Variants in SMIM41 observed in about 807,000 individuals in gnomAD.
SMIM41 encodes the protein small integral membrane protein 41.
Position 52,091,667 on chromosome 12 carries a change from C to T in SMIM41, c.*195+7699C>T, listed in dbSNP as rs552948976. The stretch of plus-strand genomic sequence containing the variant: ...GAACGTTATTGAACAAGTGGAACTG[C>T]CCCTTAAATTTTTCCTTTGATCATA... On this transcript the variant is annotated intron_variant, in intron 2 of 2. Transcript: ENST00000546390. Among the ~76,000 whole-genome samples the T allele has an allele frequency of 1.3e-4, 20 of 152,288 alleles. No homozygotes were observed. The South Asian group carries it at 3.7e-3, about 28-fold the overall frequency.
chr12:52,105,227 A>G (rs1017163177), intron 2 of SMIM41, among the ~76,000 whole-genome samples: 2 of 152,208 alleles, frequency 1.3e-5, no homozygotes, highest in African/African-American at 4.8e-5. Flanking sequence ...TCACTGTGTC[A>G]AGTATAGAAA....
At position 52,102,740 on chromosome 12, in the gene SMIM41, G is replaced by A. The variant is rs539462048; in HGVS notation, c.*196-4639G>A. Among the ~76,000 whole-genome samples, 3 of 152,308 alleles carry A rather than the reference G, an allele frequency of 2.0e-5. No individual in the cohort carries two copies. The South Asian group carries it at 6.2e-4, about 32-fold the overall frequency. Reference sequence around the variant, plus strand: ...GGTGAAACGAGAGGGAAGTAGGAATGCTCGAATATGATTGGAGGGAATGTA... The same window carrying A: ...GGTGAAACGAGAGGGAAGTAGGAATACTCGAATATGATTGGAGGGAATGTA... On this transcript the variant is annotated intron_variant, in intron 2 of 2. Transcript: ENST00000546390.
chr12:52,100,541 C>T (rs1370605132), intron 2 of SMIM41, among the ~76,000 whole-genome samples: 2 of 151,676 alleles, frequency 1.3e-5, no homozygotes. Context: ...ACTGCAACCT[C>T]TGCCTCCCGT....
intron 2 of SMIM41, 184 bp from the exon 3 acceptor site, chr12:52,107,195 T>C: frequency 8.3e-6 from 3 of 360,618 alleles, no homozygotes; most frequent in South Asian, 6.3e-5. Flanking sequence ...AAAATATTCC[T>C]GAGTGTGGAT....
At chr12:52,087,704 T>G (rs1939913176) in intron 2 of SMIM41, 1 of 152,204 alleles carries the variant, frequency 6.6e-6, no homozygotes, top group South Asian at 2.1e-4. Context: ...ATCCTCTCCA[T>G]CCTTAGGAAA....
At chr12:52,095,993 AC>A (rs1393601883) in intron 2 of SMIM41, among the ~76,000 whole-genome samples, 2 of 151,816 alleles carry the variant, frequency 1.3e-5, no homozygotes, top group East Asian at 1.9e-4. Context: ...ATGGATGTAC[AC>A]CCCCGGCGAT....
chr12:52,088,921 G>A (rs934944562), intron 2 of SMIM41, among the ~76,000 whole-genome samples: 1 of 151,996 alleles, frequency 6.6e-6, no homozygotes, highest in East Asian at 1.9e-4. Flanking sequence ...GGCCTTTGAG[G>A]ATGCTGTGCC....
intron 2 of SMIM41, among the ~76,000 whole-genome samples, chr12:52,089,158 T>C (rs1939941928): frequency 6.6e-6 from 1 of 152,044 alleles, no homozygotes; most frequent in African/African-American, 2.4e-5. Context: ...AAATAGAGCC[T>C]GTCAGATGGT....
At chr12:52,101,281 C>T (rs1343436427) in intron 2 of SMIM41, among the ~76,000 whole-genome samples, 5 of 151,994 alleles carry the variant, frequency 3.3e-5, no homozygotes, top group East Asian at 1.9e-4. Context: ...AAAAATTAGC[C>T]GGGTGTGGTG....
At position 52,079,828 on chromosome 12, in the gene SMIM41, TC is replaced by T; in HGVS notation, c.51del (p.Cys18AlafsTer48). The T allele has an allele frequency of 2.5e-6, 1 of 393,936 alleles. No homozygotes were observed. 24.4% of individuals were successfully genotyped at this position (393,936 alleles called of 1,614,324 possible). On this transcript the variant is annotated frameshift_variant, in exon 1 of 3. Transcript: ENST00000546390. LOFTEE classifies it high-confidence loss of function. ...CGCGGCTCAGGCCGCCTGGCTGAGCTCCTGCTGTAACCAGTCGGCGTCGCCG... is the reference window on the plus strand; with the variant it reads ...CGCGGCTCAGGCCGCCTGGCTGAGCTCTGCTGTAACCAGTCGGCGTCGCCG... ...GAAAQAAWLS[S>X]CCNQSASPPE...
At chr12:52,090,165 G>A (rs1349308174) in intron 2 of SMIM41, among the ~76,000 whole-genome samples, 5 of 152,218 alleles carry the variant, frequency 3.3e-5, no homozygotes, top group African/African-American at 1.2e-4. Context: ...CCACCTCCCG[G>A]GTTCAAGCGA....
Position 52,107,463 on chromosome 12 carries a change from C to G in SMIM41, c.*280C>G. On this transcript the variant is annotated 3_prime_UTR_variant, in exon 3 of 3. Coordinates refer to ENST00000546390, the MANE Select transcript of SMIM41 (RefSeq NM_001369216.1). ...TGGTCATGGTGCTGGGGAACCTGCT[C>G]ATCATCCGGCCATGAGCCCTGACTC... is the stretch of plus-strand genomic sequence containing the variant. The G allele has an allele frequency of 6.4e-6, 4 of 620,526 alleles. No homozygotes were observed. The highest frequency in any genetic ancestry group is 1.2e-5 in the Non-Finnish European group (4 of 320,990). The allele number at this position is 620,526 out of a possible 1,614,324, so 38.4% of individuals were successfully genotyped here.
Position 52,080,171 on chromosome 12 carries a change from G to C in SMIM41, c.*110G>C, listed in dbSNP as rs1015255823. The C allele has an allele frequency of 9.1e-6, 3 of 328,404 alleles. No individual in the cohort carries two copies. Among genetic ancestry groups the C allele is most frequent in the Non-Finnish European group, 1.7e-5 (3 of 180,954 alleles). The allele number at this position is 328,404 out of a possible 1,614,324, so 20.3% of individuals were successfully genotyped here. A position where few individuals can be genotyped will look rare whatever the true frequency, so the allele number is the denominator to read the frequency against. ...CCCGACCCCTTACCCGAAGCGGCGCGCCCCACACAGGTGAGAGGGAGGGTA... is the reference window on the plus strand; with the variant it reads ...CCCGACCCCTTACCCGAAGCGGCGCCCCCCACACAGGTGAGAGGGAGGGTA... On this transcript the variant is annotated 3_prime_UTR_variant, in exon 1 of 3. Coordinates refer to ENST00000546390, the MANE Select transcript of SMIM41 (RefSeq NM_001369216.1).
chr12:52,088,646 G>T (rs1939931453), intron 2 of SMIM41, among the ~76,000 whole-genome samples: 1 of 152,132 alleles, frequency 6.6e-6, no homozygotes, highest in African/African-American at 2.4e-5. Flanking sequence ...GTCCCCGGCC[G>T]CCACCTCGCC....
chr12:52,091,913 G>C lies in SMIM41; in HGVS notation c.*195+7945G>C, dbSNP rs562691163. On this transcript the variant is annotated intron_variant, in intron 2 of 2. Coordinates refer to ENST00000546390, the MANE Select transcript of SMIM41 (RefSeq NM_001369216.1). ...ACAGATATTGTCAGGCTCATCTTTT[G>C]GATTTAGCAATAATGAAGTTTTGTG... 5.9e-5 allele frequency: 9 copies of C among 152,290 alleles called. 1 individual carries two copies. Among genetic ancestry groups the C allele is most frequent in the African/African-American group, 2.2e-4 (9 of 41,560 alleles). 9.4% of individuals were successfully genotyped at this position (152,290 alleles called of 1,614,324 possible).
intron 2 of SMIM41, among the ~76,000 whole-genome samples, chr12:52,102,553 A>G (rs1354772730): frequency 6.6e-6 from 1 of 152,256 alleles, no homozygotes; most frequent in Non-Finnish European, 1.5e-5. Context: ...AAAGCATCCC[A>G]TTAACAATGG....
intron 2 of SMIM41, among the ~76,000 whole-genome samples, chr12:52,090,455 A>C (rs1265993048): frequency 6.6e-6 from 1 of 151,892 alleles, no homozygotes; most frequent in Non-Finnish European, 1.5e-5. Flanking sequence ...GCGGGGGGGA[A>C]GCACTCCAGG....
intron 2 of SMIM41, among the ~76,000 whole-genome samples, chr12:52,096,593 T>C (rs1433118157): frequency 6.6e-6 from 1 of 151,782 alleles, no homozygotes; most frequent in Non-Finnish European, 1.5e-5. Flanking sequence ...ATAGTAATTA[T>C]TAGGAGCTAA....
At chr12:52,094,063 G>A (rs772454975) in intron 2 of SMIM41, among the ~76,000 whole-genome samples, 2 of 147,258 alleles carry the variant, frequency 1.4e-5, no homozygotes, top group Non-Finnish European at 3.0e-5. Flanking sequence ...CTTGGAAGGC[G>A]TAGGTTGCAG....
Sources: gnomAD v4.1 joint callset for allele counts (sites outside exome capture counted in the v4.1 genomes callset) on GRCh38, gnomAD v4.1.1 for gene constraint, MANE v1.5 for transcripts, NCBI Gene and HGNC (gene_info 2026-07-23, HGNC 2026-07-21) for gene names.